CDYL2: variants seen among roughly 807,000 people sequenced by gnomAD.
The protein encoded by CDYL2 is chromodomain Y-like protein 2.
A neutral mutation model predicts 49.4 loss-of-function variants in CDYL2; 23 were observed. The ratio of observed to expected loss-of-function variants is 0.47; its 90% CI spans 0.34 to 0.66. The LOEUF (loss-of-function observed/expected upper bound fraction) is 0.66, where lower values mean the gene tolerates loss of function less well. Ranked by LOEUF, CDYL2 falls within the 30% of genes least tolerant of loss-of-function variation. The pLI is 0.01. For missense variants in CDYL2, 678 were observed against 656.4 expected, an observed-to-expected ratio of 1.03 and a Z score of -0.36; for synonymous variants, 360 against 268.8, an observed-to-expected ratio of 1.34 and a Z score of -3.32.
chr16:80,615,807 A>G (rs1233657636), intron 4 of CDYL2, among the ~76,000 whole-genome samples: 1 of 152,136 alleles, frequency 6.6e-6, no homozygotes, highest in Non-Finnish European at 1.5e-5. Flanking sequence ...TCTGCCTCGC[A>G]CTTCATTTCC....
chr16:80,737,820 C>T (rs916946323), intron 1 of CDYL2, among the ~76,000 whole-genome samples: 7 of 152,194 alleles, frequency 4.6e-5, no homozygotes, highest in Admixed American at 4.6e-4. Flanking sequence ...GAATGCCCAG[C>T]CTCATGGGAG....
intron 1 of CDYL2, among the ~76,000 whole-genome samples, chr16:80,786,565 A>C (rs1414451576): frequency 3.9e-5 from 6 of 152,228 alleles, no homozygotes; most frequent in Admixed American, 2.6e-4. Context: ...GCAATTCCTC[A>C]AGGATCCAGA....
Position 80,804,249 on chromosome 16 carries a change from CG to C in CDYL2, c.-77del. On this transcript the variant is annotated 5_prime_UTR_variant, in exon 1 of 7. Transcript: ENST00000570137. ...CCTCCGTGCGTGTGCGCGCGGGGTC[CG>C]GTGTGCGCGTGTGTGTGCGCGCGTG... 1 of 1,276,794 alleles carries C rather than the reference CG, an allele frequency of 7.8e-7. No individual in the cohort carries two copies. The highest frequency in any genetic ancestry group is 1.0e-6 in the Non-Finnish European group (1 of 973,778). The allele number at this position is 1,276,794 out of a possible 1,614,324, so 79.1% of individuals were successfully genotyped here.
intron 1 of CDYL2, among the ~76,000 whole-genome samples, chr16:80,799,480 A>G (rs967014332): frequency 6.6e-6 from 1 of 152,192 alleles, no homozygotes; most frequent in Non-Finnish European, 1.5e-5. Context: ...ATGAAATAAC[A>G]AATGAATGAT....
At chr16:80,707,939 G>A (rs1904461571) in intron 1 of CDYL2, among the ~76,000 whole-genome samples, 1 of 152,108 alleles carries the variant, frequency 6.6e-6, no homozygotes, top group Non-Finnish European at 1.5e-5. Context: ...TAGGGTGTTG[G>A]GTTACTAAGG....
At chr16:80,739,233 A>G (rs893028621) in intron 1 of CDYL2, among the ~76,000 whole-genome samples, 1 of 152,174 alleles carries the variant, frequency 6.6e-6, no homozygotes, top group African/African-American at 2.4e-5. Context: ...AATCGTGGTT[A>G]CCAAGGACTG....
At chr16:80,661,710 C>A (rs1310447253) in intron 2 of CDYL2, among the ~76,000 whole-genome samples, 1 of 152,088 alleles carries the variant, frequency 6.6e-6, no homozygotes, top group East Asian at 1.9e-4. Flanking sequence ...CTTTGCTGAA[C>A]AAAGGAGGAA....
intron 2 of CDYL2, among the ~76,000 whole-genome samples, chr16:80,675,346 G>T (rs1567566154): frequency 6.6e-6 from 1 of 152,188 alleles, no homozygotes; most frequent in East Asian, 1.9e-4. Flanking sequence ...TTGATCCCAG[G>T]TAACCTTGTT....
At chr16:80,633,802 T>A (rs1053160788) in intron 2 of CDYL2, among the ~76,000 whole-genome samples, 2 of 152,212 alleles carry the variant, frequency 1.3e-5, no homozygotes, top group Admixed American at 1.3e-4. Context: ...TCTCTTCCTC[T>A]CGCAAATCAA....
At chr16:80,780,587 A>C (rs948403818) in intron 1 of CDYL2, among the ~76,000 whole-genome samples, 1 of 151,570 alleles carries the variant, frequency 6.6e-6, no homozygotes, top group Non-Finnish European at 1.5e-5. Flanking sequence ...TTGTATTTTT[A>C]GTAGAGACGA....
chr16:80,789,040 T>C (rs1041721119), intron 1 of CDYL2, among the ~76,000 whole-genome samples: 1 of 152,010 alleles, frequency 6.6e-6, no homozygotes, highest in African/African-American at 2.4e-5. Flanking sequence ...TCACTAATCA[T>C]CAGAGAATTC....
At chr16:80,708,498 C>A (rs982132780) in intron 1 of CDYL2, among the ~76,000 whole-genome samples, 1 of 152,176 alleles carries the variant, frequency 6.6e-6, no homozygotes, top group African/African-American at 2.4e-5. Flanking sequence ...ATTACCCAGT[C>A]TCGGGTAGGC....
chr16:80,625,319 G>A (rs531442058), intron 3 of CDYL2, among the ~76,000 whole-genome samples: 6 of 152,274 alleles, frequency 3.9e-5, no homozygotes, highest in South Asian at 2.1e-4. Flanking sequence ...CAATAATGCC[G>A]AGCTGGGTCT....
chr16:80,614,409 G>A (rs1906734434), intron 4 of CDYL2, among the ~76,000 whole-genome samples: 1 of 152,222 alleles, frequency 6.6e-6, no homozygotes, highest in Non-Finnish European at 1.5e-5. Context: ...AGCAGTCTTG[G>A]AAGACATTTG....
At chr16:80,724,031 GGAGGAGGAA>G (rs1277971229) in intron 1 of CDYL2, among the ~76,000 whole-genome samples, 2 of 147,904 alleles carry the variant, frequency 1.4e-5, no homozygotes, top group Admixed American at 6.7e-5. Flanking sequence ...GAGGAAGAGG[GGAGGAGGAA>G]GAGAAAGAAG....
intron 1 of CDYL2, among the ~76,000 whole-genome samples, chr16:80,706,002 T>C (rs963085415): frequency 6.6e-6 from 1 of 152,342 alleles, no homozygotes; most frequent in East Asian, 1.9e-4. Context: ...TCCAAGGCAG[T>C]AGAGGGGTGT....
chr16:80,683,907 T>C (rs1236153069), intron 2 of CDYL2, among the ~76,000 whole-genome samples: 3 of 152,166 alleles, frequency 2.0e-5, no homozygotes, highest in Non-Finnish European at 4.4e-5. Flanking sequence ...AGATTTCCAT[T>C]TTTCATAAAT....
intron 1 of CDYL2, among the ~76,000 whole-genome samples, chr16:80,760,481 G>C (rs1015924416): frequency 6.6e-6 from 1 of 152,138 alleles, no homozygotes. Flanking sequence ...ATAACTAAGA[G>C]TGTCAATGGA....
At chr16:80,730,569 A>G (rs1905292274) in intron 1 of CDYL2, among the ~76,000 whole-genome samples, 1 of 152,076 alleles carries the variant, frequency 6.6e-6, no homozygotes, top group Admixed American at 6.5e-5. Context: ...TCCAATCAAT[A>G]GAAAAAGAGG....
Sources: allele counts gnomAD v4.1 joint callset (sites outside exome capture counted in the v4.1 genomes callset), GRCh38; gene constraint gnomAD v4.1.1; transcripts MANE v1.5; gene names NCBI Gene and HGNC (gene_info 2026-07-23, HGNC 2026-07-21).